Variants in PPP2R2B observed in about 807,000 individuals in gnomAD.
The protein encoded by PPP2R2B is serine/threonine-protein phosphatase 2A 55 kDa regulatory subunit B beta isoform.
A neutral mutation model predicts 46.0 loss-of-function variants in PPP2R2B; 5 were observed. The observed-to-expected ratio is 0.11, with a 90% CI of 0.06 to 0.23. PPP2R2B has a LOEUF of 0.23. Among genes scored for constraint, PPP2R2B ranks in the 10% least tolerant of loss-of-function variants. The pLI is 1.00. For synonymous variants in PPP2R2B, 215 were observed against 206.7 expected, an observed-to-expected ratio of 1.04 and a Z score of -0.34; for missense variants, 367 against 575.0, an observed-to-expected ratio of 0.64 and a Z score of 3.70.
In PPP2R2B at chr5:146,996,207, GA is replaced by G. The variant is rs555130802; in HGVS notation, c.79+59457del. Among the ~76,000 whole-genome samples, 317 of 152,172 alleles carry G rather than the reference GA, an allele frequency of 2.1e-3. 1 individual carries two copies. The highest frequency in any genetic ancestry group is 7.4e-3 in the African/African-American group (306 of 41,526). On this transcript the variant is annotated intron_variant, in intron 1 of 8. Transcript: ENST00000336640. ...AAAATGCTCTCAGGTCATCAGAGAG[GA>G]AAAAAGTATTTCTAGTTGGCAGACG...
chr5:147,046,465 G>C (rs1756548740), intron 1 of PPP2R2B, among the ~76,000 whole-genome samples: 1 of 152,108 alleles, frequency 6.6e-6, no homozygotes, highest in Admixed American at 6.6e-5. Flanking sequence ...CAATGACTCA[G>C]AAAACTAATG....
At chr5:146,753,457 CCAAA>C (rs1164783143) in intron 2 of PPP2R2B, among the ~76,000 whole-genome samples, 1 of 152,096 alleles carries the variant, frequency 6.6e-6, no homozygotes. Context: ...TTGAATCTGA[CCAAA>C]CATTTTCACC....
intron 2 of PPP2R2B, among the ~76,000 whole-genome samples, chr5:146,828,254 C>CTTT (rs78614284): frequency 3.8e-4 from 57 of 148,524 alleles, no homozygotes; most frequent in Middle Eastern, 3.5e-3. Flanking sequence ...ATTACTTTTA[C>CTTT]TTTTTTTAAA....
chr5:147,081,159 C>G, intron 1 of PPP2R2B: 1 of 1,535,330 alleles, frequency 6.5e-7, no homozygotes, highest in Non-Finnish European at 8.7e-7. Flanking sequence ...CAAGGAGACA[C>G]TTCAGGTTAG....
At chr5:146,737,768 A>T (rs1336669600) in intron 2 of PPP2R2B, among the ~76,000 whole-genome samples, 1 of 151,904 alleles carries the variant, frequency 6.6e-6, no homozygotes, top group African/African-American at 2.4e-5. Flanking sequence ...CTTTGAGTGT[A>T]TTTGGTTTAA....
chr5:146,794,884 A>C, intron 2 of PPP2R2B, among the ~76,000 whole-genome samples: 1 of 152,124 alleles, frequency 6.6e-6, no homozygotes, highest in South Asian at 2.1e-4. Context: ...TTCCACTGGG[A>C]GGCAATCAAA....
chr5:146,842,396 T>G (rs1288027847), intron 2 of PPP2R2B, among the ~76,000 whole-genome samples: 2 of 151,878 alleles, frequency 1.3e-5, no homozygotes, highest in Non-Finnish European at 2.9e-5. Flanking sequence ...TTGCTATTTA[T>G]TTCATTTCCA....
intron 1 of PPP2R2B, among the ~76,000 whole-genome samples, chr5:147,018,401 G>T (rs115484411): frequency 6.6e-6 from 1 of 152,020 alleles, no homozygotes; most frequent in Non-Finnish European, 1.5e-5. Flanking sequence ...AGTTGGACTC[G>T]ATTTGGAAGG....
chr5:146,866,611 C>T (rs1335934068), intron 2 of PPP2R2B, among the ~76,000 whole-genome samples: 2 of 149,890 alleles, frequency 1.3e-5, no homozygotes, highest in Non-Finnish European at 3.0e-5. Flanking sequence ...TATATATATA[C>T]ACACACGCAG....
chr5:146,864,878 A>G (rs1761219374), intron 2 of PPP2R2B, among the ~76,000 whole-genome samples: 1 of 152,228 alleles, frequency 6.6e-6, no homozygotes, highest in Non-Finnish European at 1.5e-5. Context: ...AGGTGGAAGC[A>G]AAATATGGAT....
intron 5 of PPP2R2B, among the ~76,000 whole-genome samples, chr5:146,664,416 C>T (rs2151112254): frequency 6.6e-6 from 1 of 152,198 alleles, no homozygotes; most frequent in South Asian, 2.1e-4. Flanking sequence ...CTCAATAAAC[C>T]ACTCTTTGCT....
chr5:146,941,549 T>A (rs571627775), intron 1 of PPP2R2B, among the ~76,000 whole-genome samples: 1 of 152,194 alleles, frequency 6.6e-6, no homozygotes, highest in Non-Finnish European at 1.5e-5. Flanking sequence ...ATTTATGTCA[T>A]CTGTAGAAAA....
chr5:146,915,261 A>G (rs937510493), intron 1 of PPP2R2B, among the ~76,000 whole-genome samples: 1 of 152,164 alleles, frequency 6.6e-6, no homozygotes, highest in African/African-American at 2.4e-5. Flanking sequence ...GAATCAGATC[A>G]TGTCATTCTT....
At chr5:146,823,936 G>C (rs1758420304) in intron 2 of PPP2R2B, among the ~76,000 whole-genome samples, 1 of 152,122 alleles carries the variant, frequency 6.6e-6, no homozygotes, top group Admixed American at 6.5e-5. Context: ...AGTACCATCT[G>C]AAAGCTTAGG....
chr5:146,836,364 G>A (rs1289201731), intron 2 of PPP2R2B, among the ~76,000 whole-genome samples: 1 of 152,166 alleles, frequency 6.6e-6, no homozygotes, highest in Non-Finnish European at 1.5e-5. Flanking sequence ...AGGCTCTTCA[G>A]TATTGGGATG....
At chr5:146,777,884 A>C (rs1582082132) in intron 2 of PPP2R2B, among the ~76,000 whole-genome samples, 1 of 152,200 alleles carries the variant, frequency 6.6e-6, no homozygotes, top group Admixed American at 6.5e-5. Context: ...TAAATGTTTA[A>C]AAAGATGAAT....
Position 146,799,552 on chromosome 5 carries a change from A to C in PPP2R2B, c.70+78450T>G, listed in dbSNP as rs79393475. Among the ~76,000 whole-genome samples, 608 of 152,296 alleles carry C rather than the reference A, an allele frequency of 4.0e-3. 3 individuals carry two copies. The highest frequency in any genetic ancestry group is 0.014 in the African/African-American group (588 of 41,576). Reference sequence around the variant, plus strand: ...GTGCCAATCTAGCCTGAGACAACACATGTCCACTCATGAGTTTTGGGTTAA... The same window carrying C: ...GTGCCAATCTAGCCTGAGACAACACCTGTCCACTCATGAGTTTTGGGTTAA... On this transcript the variant is annotated intron_variant, in intron 2 of 9. Coordinates refer to ENST00000394411, the MANE Select transcript of PPP2R2B (RefSeq NM_181675.4).
intron 7 of PPP2R2B, among the ~76,000 whole-genome samples, chr5:146,616,221 T>C (rs542827329): frequency 5.9e-5 from 9 of 152,148 alleles, no homozygotes; most frequent in South Asian, 2.1e-4. Context: ...ACTCAACATA[T>C]ACAAAAGTCA....
chr5:146,623,947 C>T (rs557617097), intron 7 of PPP2R2B, among the ~76,000 whole-genome samples: 48 of 152,218 alleles, frequency 3.2e-4, no homozygotes, highest in African/African-American at 9.9e-4. Context: ...GCATGGGGGG[C>T]TTGAATTAAC....
Sources: allele counts gnomAD v4.1 joint callset (sites outside exome capture counted in the v4.1 genomes callset), GRCh38; gene constraint gnomAD v4.1.1; transcripts MANE v1.5; gene names NCBI Gene and HGNC (gene_info 2026-07-23, HGNC 2026-07-21).